The following NRXN3 variants were observed in gnomAD, a reference collection of about 807,000 sequenced individuals.
The protein encoded by NRXN3 is neurexin III.
NRXN3 carries 32 observed loss-of-function variants against 137.6 expected under a neutral mutation model. The ratio of observed to expected loss-of-function variants is 0.23; its 90% CI spans 0.18 to 0.31. The LOEUF (loss-of-function observed/expected upper bound fraction) is 0.31, where lower values mean the gene tolerates loss of function less well. Ranked by LOEUF, NRXN3 falls within the 10% of genes least tolerant of loss-of-function variation. NRXN3 has a pLI of 1.00. For synonymous variants in NRXN3, 798 were observed against 784.5 expected (o/e 1.02, Z -0.29); for missense variants, 1,574 against 2,062.5 (o/e 0.76, Z 4.59).
At chr14:79,152,968 A>AT (rs57461622) in intron 15 of NRXN3, among the ~76,000 whole-genome samples, 4,488 of 152,026 alleles carry the variant, frequency 0.03, 93 homozygotes, top group African/African-American at 0.043. Flanking sequence ...CTGCTAAACC[A>AT]TTTTTCACTT....
At chr14:79,738,978 TA>T (rs1443843788) in intron 19 of NRXN3, among the ~76,000 whole-genome samples, 1 of 152,158 alleles carries the variant, frequency 6.6e-6, no homozygotes, top group Non-Finnish European at 1.5e-5. Flanking sequence ...AAAGTGGAAA[TA>T]AAGGTATTTT....
intron 10 of NRXN3, among the ~76,000 whole-genome samples, chr14:78,931,067 A>G (rs762629066): frequency 2.6e-5 from 4 of 152,196 alleles, no homozygotes; most frequent in Admixed American, 1.3e-4. Flanking sequence ...TATACAATGA[A>G]TAAGTTGTGG....
intron 15 of NRXN3, among the ~76,000 whole-genome samples, chr14:79,120,091 T>C (rs571581891): frequency 6.6e-6 from 1 of 152,266 alleles, no homozygotes; most frequent in East Asian, 1.9e-4. Context: ...AGTGATGTTG[T>C]TGTTAGCAAT....
chr14:78,978,262 C>A (rs993798230), intron 14 of NRXN3, among the ~76,000 whole-genome samples: 1 of 152,082 alleles, frequency 6.6e-6, no homozygotes, highest in African/African-American at 2.4e-5. Flanking sequence ...GACTTCAAGA[C>A]AAAAAGCATG....
At position 78,957,287 on chromosome 14, in the gene NRXN3, A is replaced by G; in HGVS notation, c.2321A>G (p.Asn774Ser). 6.2e-7 allele frequency: 1 copy of G among 1,614,122 alleles called. No homozygotes were observed. The highest frequency in any genetic ancestry group is 8.5e-7 in the Non-Finnish European group (1 of 1,180,000). ...TATGCAGGGCAGAAGCTCAATGACA[A>G]CGAGTGGCACACCGTTCGGGTGGTG... ...TLYAGQKLNDNEWHTVRVVRR... is the reference protein window; with the variant it reads ...TLYAGQKLNDSEWHTVRVVRR... The change falls in exon 11 of 21, where the codon AAC becomes AGC. Residue 774 changes from asparagine (N) to serine (S), a missense_variant. This residue lies in a region of NRXN3 where 718 missense variants were observed against 887.6 expected (regional missense o/e 0.81). Coordinates refer to ENST00000335750, the MANE Select transcript of NRXN3 (RefSeq NM_001330195.2).
intron 10 of NRXN3, among the ~76,000 whole-genome samples, chr14:78,826,103 T>A (rs1013617241): frequency 1.1e-4 from 16 of 152,230 alleles, no homozygotes; most frequent in Admixed American, 7.2e-4. Context: ...ATGTATTAGA[T>A]CCTTTAATTC....
At chr14:78,960,606 T>C (rs2099406243) in intron 11 of NRXN3, among the ~76,000 whole-genome samples, 1 of 152,216 alleles carries the variant, frequency 6.6e-6, no homozygotes, top group Non-Finnish European at 1.5e-5. Context: ...AATTGATTGA[T>C]CTATGTTTCT....
intron 15 of NRXN3, among the ~76,000 whole-genome samples, chr14:78,995,201 A>G (rs2099527401): frequency 6.6e-6 from 1 of 152,232 alleles, no homozygotes; most frequent in Non-Finnish European, 1.5e-5. Flanking sequence ...TATTTGCATC[A>G]TATTGTGGAA....
intron 19 of NRXN3, among the ~76,000 whole-genome samples, chr14:79,721,427 A>C (rs1298520344): frequency 6.6e-6 from 1 of 152,152 alleles, no homozygotes; most frequent in East Asian, 1.9e-4. Context: ...AGTATTACAA[A>C]GGGGCTTGAA....
intron 10 of NRXN3, among the ~76,000 whole-genome samples, chr14:78,893,719 G>A (rs2099165811): frequency 6.6e-6 from 1 of 151,704 alleles, no homozygotes; most frequent in African/African-American, 2.4e-5. Context: ...TGGATTTTTT[G>A]AGGGTGCGAA....
At chr14:78,618,659 A>T (rs1013122637) in intron 4 of NRXN3, among the ~76,000 whole-genome samples, 2 of 152,222 alleles carry the variant, frequency 1.3e-5, no homozygotes, top group East Asian at 3.8e-4. Flanking sequence ...AGCTTCCTCC[A>T]TGTGTTCTGT....
intron 8 of NRXN3, among the ~76,000 whole-genome samples, chr14:78,777,925 A>G (rs2098749871): frequency 6.6e-6 from 1 of 151,748 alleles, no homozygotes; most frequent in Non-Finnish European, 1.5e-5. Context: ...ACCACTCCGG[A>G]CTAATTTTTG....
intron 1 of NRXN3, among the ~76,000 whole-genome samples, chr14:78,175,988 A>G (rs879345097): frequency 1.3e-5 from 2 of 152,208 alleles, no homozygotes; most frequent in Non-Finnish European, 2.9e-5. Context: ...CTTTGTGTTC[A>G]TTGTGGTGTT....
At chr14:79,660,868 G>A (rs183813832) in intron 16 of NRXN3, among the ~76,000 whole-genome samples, 10 of 152,156 alleles carry the variant, frequency 6.6e-5, no homozygotes. Context: ...CTGCAGTCAT[G>A]GTTTCTTAAC....
intron 1 of NRXN3, among the ~76,000 whole-genome samples, chr14:78,210,457 A>G (rs1367410830): frequency 6.6e-6 from 1 of 152,220 alleles, no homozygotes; most frequent in Non-Finnish European, 1.5e-5. Flanking sequence ...TCAGGCCATA[A>G]CACTGCCATT....
intron 4 of NRXN3, among the ~76,000 whole-genome samples, chr14:78,411,265 G>T (rs1441345000): frequency 6.6e-6 from 1 of 152,136 alleles, no homozygotes; most frequent in African/African-American, 2.4e-5. Context: ...GAATTAACTT[G>T]TCATTATTGT....
At chr14:78,728,916 C>G (rs957945564) in intron 8 of NRXN3, among the ~76,000 whole-genome samples, 1 of 152,042 alleles carries the variant, frequency 6.6e-6, no homozygotes. Flanking sequence ...AACAAACAAA[C>G]AACAACAAAA....
At chr14:78,866,741 A>G (rs2099087695) in intron 10 of NRXN3, among the ~76,000 whole-genome samples, 1 of 152,036 alleles carries the variant, frequency 6.6e-6, no homozygotes, top group Non-Finnish European at 1.5e-5. Context: ...TCCTAGATAC[A>G]GAAGTATAAA....
chr14:78,730,738 C>T (rs1161492751), intron 8 of NRXN3, among the ~76,000 whole-genome samples: 1 of 152,164 alleles, frequency 6.6e-6, no homozygotes, highest in Non-Finnish European at 1.5e-5. Flanking sequence ...CTTAGCAAGA[C>T]AAAACAATGA....
Sources: gnomAD v4.1 joint callset for allele counts (sites outside exome capture counted in the v4.1 genomes callset) on GRCh38, gnomAD v4.1.1 for gene constraint, gnomAD v4.1.1 regional missense constraint, MANE v1.5 for transcripts, NCBI Gene and HGNC (gene_info 2026-07-23, HGNC 2026-07-21) for gene names.